BLM: variants seen among roughly 807,000 people sequenced by gnomAD.
BLM encodes BLM RecQ like helicase, also known as recQ-like DNA helicase BLM.
BLM carries 95 observed loss-of-function variants against 135.3 expected under a neutral mutation model. That is an observed-to-expected ratio of 0.70 (90% CI 0.59 to 0.83). The LOEUF (loss-of-function observed/expected upper bound fraction) is 0.83. Among genes scored for constraint, BLM ranks in the 40% least tolerant of loss-of-function variants. BLM has a pLI of 0.00. For synonymous variants in BLM, 520 were observed against 589.2 expected (o/e 0.88, Z 1.70); for missense variants, 1,518 against 1,663.9 (o/e 0.91, Z 1.53).
intron 12 of BLM, among the ~76,000 whole-genome samples, chr15:90,774,365 C>A (rs1896413625): frequency 6.6e-6 from 1 of 151,864 alleles, no homozygotes; most frequent in South Asian, 2.1e-4. Context: ...AGCCACTGCA[C>A]CCGACCGCCT....
rs1370764537 is a variant in BLM at position 90,815,229 on chromosome 15, C to T, written c.4204C>T (p.Pro1402Ser). The change falls in exon 22 of 22, where the codon CCG becomes TCG. Residue 1402 changes from proline (P) to serine (S), a missense_variant. By Grantham distance (74) the Pro-to-Ser change is moderately conservative. Around this residue, in one of 5 missense-constraint regions of BLM, gnomAD observed 153 missense variants for 173.4 expected, o/e 0.88. Transcript: ENST00000355112. This position sits in a 1 kb window ranked among gnomAD's most constrained non-coding sequence, Gnocchi z 4.6. The part of the protein sequence containing the change: ...ANSKLGIMAP[P>S]KPINRPFLKP... ...TAGCAAATTGGGGATTATGGCTCCACCGAAGCCTATAAATAGACCGTTTCT... is the reference window on the plus strand; with the variant it reads ...TAGCAAATTGGGGATTATGGCTCCATCGAAGCCTATAAATAGACCGTTTCT... 1 of 1,614,196 alleles carries T rather than the reference C, an allele frequency of 6.2e-7. No homozygotes were observed. The highest frequency in any genetic ancestry group is 1.1e-5 in the South Asian group (1 of 91,084).
At chr15:90,790,978 G>A (rs1015900599) in intron 15 of BLM, 134 bp downstream of exon 15, 20 of 875,604 alleles carry the variant, frequency 2.3e-5, no homozygotes, top group Middle Eastern at 6.8e-4. Context: ...TATACAGATT[G>A]GCAATTTTAT....
In BLM at chr15:90,808,467, C is replaced by T. The variant is rs375013747; in HGVS notation, c.3752-670C>T. On this transcript the variant is annotated intron_variant, in intron 19 of 21. Coordinates refer to ENST00000355112, the MANE Select transcript of BLM (RefSeq NM_000057.4). ...ACTGCATTCCAGTTCACTCCATCCT[C>T]ACTCGCTCCTGCAATGGCTTCCACC... Among the ~76,000 whole-genome samples the T allele has an allele frequency of 2.6e-5, 4 of 152,356 alleles. No homozygotes were observed. In the South Asian group the frequency reaches 6.2e-4, roughly 24 times the overall value.
At chr15:90,795,410 G>A (rs1351276730) in intron 16 of BLM, among the ~76,000 whole-genome samples, 1 of 152,168 alleles carries the variant, frequency 6.6e-6, no homozygotes, top group Non-Finnish European at 1.5e-5. Flanking sequence ...AACCTGGTAG[G>A]TGGAGGCTGC....
At chr15:90,806,149 C>A (rs1897280257) in intron 19 of BLM, among the ~76,000 whole-genome samples, 1 of 152,044 alleles carries the variant, frequency 6.6e-6, no homozygotes, top group Non-Finnish European at 1.5e-5. Context: ...CTTAATAGTC[C>A]ATAAAATAAC....
At chr15:90,731,528 A>G (rs748321138) in intron 1 of BLM, among the ~76,000 whole-genome samples, 2 of 152,044 alleles carry the variant, frequency 1.3e-5, no homozygotes, top group Non-Finnish European at 2.9e-5. Context: ...TAGATTTTTG[A>G]CCATCAATAG....
intron 1 of BLM, among the ~76,000 whole-genome samples, chr15:90,740,443 G>A (rs762496223): frequency 3.3e-5 from 5 of 152,056 alleles, no homozygotes; most frequent in Non-Finnish European, 5.9e-5. Context: ...ATAACATTTT[G>A]TTGAATGGAT....
intron 20 of BLM, 113 bp from the exon 21 acceptor site, chr15:90,811,092 A>G (rs1596273309): frequency 9.4e-7 from 1 of 1,068,060 alleles, no homozygotes; most frequent in Middle Eastern, 2.9e-4. Context: ...TATGGCAGGG[A>G]AGCAGCTAGG....
chr15:90,738,762 C>T (rs1257434299), intron 1 of BLM, among the ~76,000 whole-genome samples: 1 of 152,062 alleles, frequency 6.6e-6, no homozygotes, highest in East Asian at 1.9e-4. Flanking sequence ...GAGATAAGAC[C>T]TCACACCTGT....
At chr15:90,768,523 T>C (rs1896201845) in intron 10 of BLM, among the ~76,000 whole-genome samples, 2 of 152,208 alleles carry the variant, frequency 1.3e-5, no homozygotes, top group Admixed American at 6.5e-5. Flanking sequence ...AACCCAGATA[T>C]GTAACCCTGT....
Position 90,809,591 on chromosome 15 carries a change from G to T in BLM, c.3874+332G>T, listed in dbSNP as rs141338174. Among the ~76,000 whole-genome samples, 746 of 152,300 alleles carry T rather than the reference G, an allele frequency of 4.9e-3. 5 individuals are homozygous for T. The highest frequency in any genetic ancestry group is 0.044 in the Middle Eastern group (13 of 294). Reference sequence around the variant, plus strand: ...CGTCATGCTGTGTGGTCTCTAGCAGGCCACCAATAGCCTCTTTGTGAATCA... The same window carrying T: ...CGTCATGCTGTGTGGTCTCTAGCAGTCCACCAATAGCCTCTTTGTGAATCA... On this transcript the variant is annotated intron_variant, in intron 20 of 21. Coordinates refer to ENST00000355112, the MANE Select transcript of BLM (RefSeq NM_000057.4).
In BLM at chr15:90,790,745, T is replaced by G; in HGVS notation, c.2920T>G (p.Tyr974Asp). Reference sequence around the variant, plus strand: ...TCTCCCTAAATCTGTGGAGGGTTACTACCAAGAATCTGGCAGAGCTGGAAG... The same window carrying G: ...TCTCCCTAAATCTGTGGAGGGTTACGACCAAGAATCTGGCAGAGCTGGAAG... ...ASLPKSVEGY[Y>D]QESGRAGRDG... The change falls in exon 15 of 22, where the codon TAC becomes GAC. Residue 974 changes from tyrosine (Y) to aspartate (D), a missense_variant. Tyr to Asp is a radical substitution (Grantham distance 160, BLOSUM62 -3). Transcript: ENST00000355112. The G allele has an allele frequency of 1.2e-6, 2 of 1,614,168 alleles. No homozygotes were observed. Among genetic ancestry groups the G allele is most frequent in the Non-Finnish European group, 8.5e-7 (1 of 1,179,968 alleles).
chr15:90,804,084 T>C, intron 18 of BLM, 83 bp from the exon 19 acceptor site: 1 of 1,303,422 alleles, frequency 7.7e-7, no homozygotes, highest in Non-Finnish European at 1.1e-6. Flanking sequence ...CCCCCAAAAA[T>C]GCAATTAAGC....
At chr15:90,748,405 G>A (rs1201933997) in intron 2 of BLM, among the ~76,000 whole-genome samples, 1 of 152,174 alleles carries the variant, frequency 6.6e-6, no homozygotes, top group Non-Finnish European at 1.5e-5. Context: ...ACCACGCCCG[G>A]CCAATTATTT....
intron 1 of BLM, among the ~76,000 whole-genome samples, chr15:90,722,088 C>T (rs1416034450): frequency 6.6e-6 from 1 of 151,842 alleles, no homozygotes; most frequent in Non-Finnish European, 1.5e-5. Flanking sequence ...AGTTCGAGAC[C>T]AGCCTGGCCA....
intron 1 of BLM, among the ~76,000 whole-genome samples, chr15:90,742,608 T>TCTC (rs1286237050): frequency 4.6e-5 from 7 of 151,042 alleles, no homozygotes; most frequent in African/African-American, 7.3e-5. Flanking sequence ...CTCTCTCTCT[T>TCTC]TTTTTTTTAA....
intron 21 of BLM, among the ~76,000 whole-genome samples, chr15:90,812,988 G>C (rs536660441): frequency 6.6e-6 from 1 of 152,270 alleles, no homozygotes; most frequent in Non-Finnish European, 1.5e-5. Context: ...CTCACACAGA[G>C]CCGGAGACCT....
intron 14 of BLM, among the ~76,000 whole-genome samples, chr15:90,786,556 A>G (rs1032166061): frequency 1.1e-4 from 16 of 151,996 alleles, no homozygotes; most frequent in African/African-American, 3.9e-4. Flanking sequence ...TTTTTAATGT[A>G]TTCATCCTTG....
At chr15:90,770,177 C>CCTTT (rs1555420977) in intron 12 of BLM, among the ~76,000 whole-genome samples, 2 of 128,214 alleles carry the variant, frequency 1.6e-5, no homozygotes, top group African/African-American at 2.9e-5. Flanking sequence ...TCCCCCCCCC[C>CCTTT]TTTTTTTTTT....
Sources: allele counts gnomAD v4.1 joint callset (sites outside exome capture counted in the v4.1 genomes callset), GRCh38; gene constraint gnomAD v4.1.1; regional missense constraint gnomAD v4.1.1; non-coding constraint Gnocchi (gnomAD v3.1); transcripts MANE v1.5; gene names NCBI Gene and HGNC (gene_info 2026-07-23, HGNC 2026-07-21).